CLSTN2: variants seen among roughly 807,000 people sequenced by gnomAD.
CLSTN2 encodes calsyntenin 2.
In CLSTN2, 48 loss-of-function variants were observed where a neutral mutation model predicts 101.2. The observed-to-expected ratio is 0.47, with a 90% CI of 0.38 to 0.60. The LOEUF (loss-of-function observed/expected upper bound fraction) is 0.60, where lower values mean the gene tolerates loss of function less well. Ranked by LOEUF, CLSTN2 falls within the 20% of genes least tolerant of loss-of-function variation. The pLI is 0.00. For synonymous variants in CLSTN2, 481 were observed against 463.6 expected, an observed-to-expected ratio of 1.04 and a Z score of -0.48; for missense variants, 1,160 against 1,238.2, an observed-to-expected ratio of 0.94 and a Z score of 0.95.
intron 1 of CLSTN2, among the ~76,000 whole-genome samples, chr3:140,037,247 A>G (rs2007672457): frequency 6.6e-6 from 1 of 152,222 alleles, no homozygotes; most frequent in South Asian, 2.1e-4. Context: ...ACCCAGACCC[A>G]ACACCTACCA....
intron 4 of CLSTN2, among the ~76,000 whole-genome samples, chr3:140,415,088 A>C (rs1201340363): frequency 6.6e-6 from 1 of 152,092 alleles, no homozygotes; most frequent in Admixed American, 6.6e-5. Flanking sequence ...AATGGAAAAG[A>C]ATAGACTTGT....
chr3:140,168,723 A>AT (rs1304184717), intron 1 of CLSTN2, among the ~76,000 whole-genome samples: 3 of 151,998 alleles, frequency 2.0e-5, no homozygotes, highest in Non-Finnish European at 2.9e-5. Context: ...ATAGATATTC[A>AT]TTTTTTCTCT....
intron 2 of CLSTN2, among the ~76,000 whole-genome samples, chr3:140,277,420 A>T (rs190792945): frequency 7.2e-5 from 11 of 152,302 alleles, no homozygotes; most frequent in Non-Finnish European, 1.3e-4. Context: ...CTCCAGTTGC[A>T]CTGGGCCTGA....
chr3:140,038,896 A>C (rs1048125721), intron 1 of CLSTN2, among the ~76,000 whole-genome samples: 1 of 152,184 alleles, frequency 6.6e-6, no homozygotes, highest in Admixed American at 6.5e-5. Context: ...TGATATTGGC[A>C]ATTTCACTTG....
chr3:140,484,571 T>C (rs916145388), intron 8 of CLSTN2, among the ~76,000 whole-genome samples: 5 of 151,126 alleles, frequency 3.3e-5, no homozygotes, highest in African/African-American at 1.2e-4. Context: ...TCCAACTTAG[T>C]TCCATTCTCC....
chr3:140,369,973 T>C (rs2087833052), intron 2 of CLSTN2, among the ~76,000 whole-genome samples: 1 of 152,250 alleles, frequency 6.6e-6, no homozygotes, highest in Admixed American at 6.5e-5. Context: ...CTAATTAGGA[T>C]TCTTTCCATT....
In CLSTN2 at chr3:140,403,656, G is replaced by T; in HGVS notation, c.260G>T (p.Gly87Val). The change falls in exon 3 of 17, where the codon GGC (glycine) becomes GTC (valine). Residue 87 changes from glycine (G) to valine (V), a missense_variant. By Grantham distance (109) the Gly-to-Val change is moderately radical. Transcript: ENST00000458420. ...GAAATCTGTGCGTTCAAGATCCATGGCCAGGAGCTGCCCTTTGAGGCTGTG... is the reference window on the plus strand; with the variant it reads ...GAAATCTGTGCGTTCAAGATCCATGTCCAGGAGCTGCCCTTTGAGGCTGTG... ...AGEICAFKIHGQELPFEAVVL... is the reference protein window; with the variant it reads ...AGEICAFKIHVQELPFEAVVL... 1 of 1,613,388 alleles carries T rather than the reference G, an allele frequency of 6.2e-7. No homozygotes were observed. The highest frequency in any genetic ancestry group is 8.5e-7 in the Non-Finnish European group (1 of 1,179,664).
chr3:140,142,742 G>C (rs1024571458), intron 1 of CLSTN2, among the ~76,000 whole-genome samples: 1 of 152,204 alleles, frequency 6.6e-6, no homozygotes, highest in Admixed American at 6.5e-5. Context: ...AGAGAAGAAG[G>C]AGGTGGCATT....
chr3:140,107,339 A>G (rs978863440), intron 1 of CLSTN2, among the ~76,000 whole-genome samples: 3 of 151,210 alleles, frequency 2.0e-5, no homozygotes, highest in Non-Finnish European at 4.4e-5. Context: ...TCCTGGATCC[A>G]CTCCCTCTCC....
Position 140,448,881 on chromosome 3 carries a change from G to A in CLSTN2, c.973+177G>A, listed in dbSNP as rs558859580. On this transcript the variant is annotated intron_variant, in intron 6 of 16. Coordinates refer to ENST00000458420, the MANE Select transcript of CLSTN2 (RefSeq NM_022131.3). ...AGAAGGGTTGGAAGGCCCAGTTTTT[G>A]GCAGTAGACTCCTGACTCAGACTCC... Among the ~76,000 whole-genome samples, 97 of 152,272 alleles carry A rather than the reference G, an allele frequency of 6.4e-4. 1 individual carries two copies. Among genetic ancestry groups the A allele is most frequent in the African/African-American group, 2.1e-3 (88 of 41,554 alleles).
intron 16 of CLSTN2, among the ~76,000 whole-genome samples, 160 bp downstream of exon 16, chr3:140,564,305 G>C (rs1472585513): frequency 1.3e-5 from 2 of 152,054 alleles, no homozygotes; most frequent in Non-Finnish European, 2.9e-5. Flanking sequence ...AGCTCCTCTA[G>C]CCCTCTCAGC....
At chr3:139,947,695 C>A (rs978239201) in intron 1 of CLSTN2, among the ~76,000 whole-genome samples, 5 of 152,098 alleles carry the variant, frequency 3.3e-5, no homozygotes, top group Admixed American at 6.6e-5. Flanking sequence ...CAAAGGAAAA[C>A]CAATTATTTT....
At chr3:140,313,430 G>A (rs190078312) in intron 2 of CLSTN2, among the ~76,000 whole-genome samples, 4 of 152,246 alleles carry the variant, frequency 2.6e-5, no homozygotes, top group African/African-American at 9.6e-5. Flanking sequence ...GGGCCCTCAC[G>A]AAAGACTCCA....
chr3:140,104,615 G>A (rs563733999), intron 1 of CLSTN2, among the ~76,000 whole-genome samples: 1 of 152,278 alleles, frequency 6.6e-6, no homozygotes, highest in Admixed American at 6.5e-5. Flanking sequence ...AGAATTAAAG[G>A]AAAACTTAAG....
chr3:140,451,968 G>A (rs1157937487), intron 6 of CLSTN2, among the ~76,000 whole-genome samples: 1 of 152,160 alleles, frequency 6.6e-6, no homozygotes, highest in African/African-American at 2.4e-5. Context: ...CCAGGGGAAT[G>A]GCAGGAAAAA....
chr3:140,270,475 A>G (rs2086732222), intron 2 of CLSTN2, among the ~76,000 whole-genome samples: 1 of 152,220 alleles, frequency 6.6e-6, no homozygotes, highest in South Asian at 2.1e-4. Context: ...TTGTTAGGGA[A>G]GAATTTACAA....
chr3:140,343,629 A>C (rs984159358), intron 2 of CLSTN2, among the ~76,000 whole-genome samples: 1 of 152,210 alleles, frequency 6.6e-6, no homozygotes, highest in African/African-American at 2.4e-5. Flanking sequence ...AATATTATCT[A>C]TATTAGAAGC....
At chr3:140,386,718 C>G (rs1256636735) in intron 2 of CLSTN2, among the ~76,000 whole-genome samples, 1 of 152,158 alleles carries the variant, frequency 6.6e-6, no homozygotes, top group Non-Finnish European at 1.5e-5. Context: ...GGTTCTCAAT[C>G]TCTCTCTCCC....
chr3:140,380,861 A>G (rs964427650), intron 2 of CLSTN2, among the ~76,000 whole-genome samples: 3 of 152,186 alleles, frequency 2.0e-5, no homozygotes, highest in African/African-American at 7.2e-5. Flanking sequence ...CGCAGGACCA[A>G]GGTGGATCTT....
Sources: allele counts gnomAD v4.1 joint callset (sites outside exome capture counted in the v4.1 genomes callset), GRCh38; gene constraint gnomAD v4.1.1; transcripts MANE v1.5; gene names NCBI Gene and HGNC (gene_info 2026-07-23, HGNC 2026-07-21).